PHIP: variants seen among roughly 807,000 people sequenced by gnomAD.
PHIP encodes the protein PHIP subunit of CUL4-Ring ligase complex.
In PHIP, 54 loss-of-function variants were observed where a neutral mutation model predicts 236.8. The ratio of observed to expected loss-of-function variants is 0.23; its 90% CI spans 0.18 to 0.29. The LOEUF is 0.29. Among genes scored for constraint, PHIP ranks in the 10% least tolerant of loss-of-function variants. The pLI is 1.00. For synonymous variants in PHIP, 756 were observed against 718.9 expected (o/e 1.05, Z -0.83); for missense variants, 1,370 against 2,190.8 (o/e 0.63, Z 7.48).
chr6:79,003,635 T>C, intron 16 of PHIP, 95 bp downstream of exon 16: 1 of 802,484 alleles, frequency 1.2e-6, no homozygotes, highest in South Asian at 2.9e-5. Context: ...ATCCTGAATG[T>C]AAAGATGCTG....
intron 6 of PHIP, among the ~76,000 whole-genome samples, chr6:79,059,555 C>T (rs1773249924): frequency 9.6e-6 from 1 of 104,430 alleles, no homozygotes; most frequent in South Asian, 2.9e-4. Flanking sequence ...TTTTAAAAGA[C>T]AAGAAATAAA....
intron 22 of PHIP, among the ~76,000 whole-genome samples, chr6:78,983,977 A>C (rs1252267770): frequency 1.3e-5 from 2 of 152,166 alleles, no homozygotes; most frequent in Non-Finnish European, 2.9e-5. Flanking sequence ...TATGAACATA[A>C]ATGTCTTAAA....
chr6:78,952,776 A>G lies in PHIP; in HGVS notation c.4053+2038T>C, dbSNP rs115817147. On this transcript the variant is annotated intron_variant, in intron 35 of 39. Transcript: ENST00000275034. ...GTCTTCACTCTTTTCCTCTCAAATA[A>G]CATATTTTTTCCCTATGTTTCTTAT... is the stretch of plus-strand genomic sequence containing the variant. Among the ~76,000 whole-genome samples the G allele has an allele frequency of 6.3e-3, 964 of 151,960 alleles. 19 individuals are homozygous for G. Among genetic ancestry groups the G allele is most frequent in the African/African-American group, 0.022 (908 of 41,444 alleles).
rs1562108968 is a variant in PHIP, at chr6:78,940,565, T to TTTTTC, written c.*127_*128insGAAAA. On this transcript the variant is annotated 3_prime_UTR_variant, in exon 40 of 40. Coordinates refer to ENST00000275034, the MANE Select transcript of PHIP (RefSeq NM_017934.7). ...GTAAGTTTGTTTTTTTTTTTTTTTT[T>TTTTTC]TTTTTTGCAAATCAAATCATAACAT... is the stretch of plus-strand genomic sequence containing the variant. 1 of 189,430 alleles carries TTTTTC rather than the reference T, an allele frequency of 5.3e-6. No homozygotes were observed. Among genetic ancestry groups the TTTTTC allele is most frequent in the Non-Finnish European group, 1.0e-5 (1 of 95,896 alleles). The allele number at this position is 189,430 out of a possible 1,614,324, so 11.7% of individuals were successfully genotyped here.
At chr6:79,050,985 A>G (rs1405319057) in intron 6 of PHIP, among the ~76,000 whole-genome samples, 2 of 152,256 alleles carry the variant, frequency 1.3e-5, no homozygotes, top group East Asian at 3.9e-4. Context: ...TTCCCACTGA[A>G]TTTTTAAACA....
At chr6:79,050,409 G>A (rs1772733041) in intron 6 of PHIP, among the ~76,000 whole-genome samples, 1 of 152,116 alleles carries the variant, frequency 6.6e-6, no homozygotes, top group Non-Finnish European at 1.5e-5. Flanking sequence ...AGGATAAAAT[G>A]TAATTTACTA....
intron 39 of PHIP, 25 bp from the exon 40 acceptor site, chr6:78,941,355 A>C (rs1773492130): frequency 6.4e-7 from 1 of 1,560,572 alleles, no homozygotes; most frequent in Non-Finnish European, 8.7e-7. Context: ...CAGTACACTT[A>C]ATATATGGAG....
At chr6:79,009,610 A>G (rs917302921) in intron 15 of PHIP, among the ~76,000 whole-genome samples, 1 of 152,090 alleles carries the variant, frequency 6.6e-6, no homozygotes, top group Non-Finnish European at 1.5e-5. Flanking sequence ...TGTGGTCCTC[A>G]TATTTTGTGC....
intron 32 of PHIP, chr6:78,956,124 T>C (rs1240152178): frequency 1.3e-5 from 2 of 152,382 alleles, no homozygotes; most frequent in Admixed American, 1.3e-4. Context: ...CAATTTGTCC[T>C]AACCCTTCTC....
At chr6:78,954,682 G>C in intron 35 of PHIP, 132 bp downstream of exon 35, 1 of 596,650 alleles carries the variant, frequency 1.7e-6, no homozygotes, top group Non-Finnish European at 2.7e-6. Flanking sequence ...GTAGCCAAAT[G>C]GATAATGAGA....
At chr6:78,985,745 A>C (rs1274006661) in intron 21 of PHIP, among the ~76,000 whole-genome samples, 7 of 152,174 alleles carry the variant, frequency 4.6e-5, no homozygotes, top group Non-Finnish European at 8.8e-5. Flanking sequence ...TGGGAGACTG[A>C]GGCACGGAAT....
chr6:79,004,435 A>T (rs974879009), intron 15 of PHIP: 5 of 983,746 alleles, frequency 5.1e-6, no homozygotes, highest in Non-Finnish European at 6.0e-6. Context: ...CCTCCCTGCA[A>T]CCTGTCAATC....
chr6:78,987,542 A>G (rs1235922892), intron 21 of PHIP, among the ~76,000 whole-genome samples: 1 of 152,142 alleles, frequency 6.6e-6, no homozygotes, highest in Admixed American at 6.5e-5. Context: ...CATGGCTTCA[A>G]AAGTGTATAG....
intron 4 of PHIP, among the ~76,000 whole-genome samples, chr6:79,064,504 A>G (rs1773527949): frequency 6.6e-6 from 1 of 152,238 alleles, no homozygotes; most frequent in African/African-American, 2.4e-5. Flanking sequence ...AATAGCTCTT[A>G]TCAAAAGTTC....
rs530857116 is a variant in PHIP at position 79,024,340 on chromosome 6, T to A, written c.923+1179A>T. On this transcript the variant is annotated intron_variant, in intron 9 of 39. Transcript: ENST00000275034. ...TTTATACATAGCAGTCAGAGATAAT[T>A]ACTGATATATACCTTCTAATCTGAA... Among the ~76,000 whole-genome samples the A allele has an allele frequency of 2.6e-5, 4 of 152,312 alleles. No homozygotes were observed. The South Asian group carries it at 8.3e-4, about 32-fold the overall frequency.
At chr6:78,965,790 T>TA in intron 28 of PHIP, 26 bp from the exon 29 acceptor site, 1 of 1,329,944 alleles carries the variant, frequency 7.5e-7, no homozygotes, top group Non-Finnish European at 1.1e-6. Context: ...ATCATTATAT[T>TA]AAAAAATCTA....
chr6:78,967,961 T>G (rs1477283975), intron 27 of PHIP, among the ~76,000 whole-genome samples: 2 of 151,738 alleles, frequency 1.3e-5, no homozygotes, highest in African/African-American at 4.8e-5. Flanking sequence ...GGTGAAACCC[T>G]GTCTCTACTA....
chr6:78,998,397 C>T lies in PHIP; in HGVS notation c.1880-6G>A, dbSNP rs1394647037. 3 of 1,611,502 alleles carry T rather than the reference C, an allele frequency of 1.9e-6. No individual in the cohort carries two copies. The highest frequency in any genetic ancestry group is 1.1e-5 in the South Asian group (1 of 90,818). Reference sequence around the variant, plus strand: ...ACTTAAAACTTGATTCAGTCCTATACAATACCACACAAAATATTACGAATA... The same window carrying T: ...ACTTAAAACTTGATTCAGTCCTATATAATACCACACAAAATATTACGAATA... On this transcript the variant is annotated splice_polypyrimidine_tract_variant and splice_region_variant and intron_variant, in intron 17 of 39. Coordinates refer to ENST00000275034, the MANE Select transcript of PHIP (RefSeq NM_017934.7).
chr6:79,073,335 TTCA>T (rs1202794245), intron 4 of PHIP, among the ~76,000 whole-genome samples: 1 of 152,144 alleles, frequency 6.6e-6, no homozygotes, highest in African/African-American at 2.4e-5. Flanking sequence ...ACATATTTTA[TTCA>T]TCATTATAAC....
Sources: gnomAD v4.1 joint callset for allele counts (sites outside exome capture counted in the v4.1 genomes callset) on GRCh38, gnomAD v4.1.1 for gene constraint, MANE v1.5 for transcripts, NCBI Gene and HGNC (gene_info 2026-07-23, HGNC 2026-07-21) for gene names.